CELF2: variants seen among roughly 807,000 people sequenced by gnomAD.
CELF2 encodes the protein CUGBP Elav-like family member 2, also known as CUG triplet repeat RNA-binding protein 2.
CELF2 carries 8 observed loss-of-function variants against 62.6 expected under a neutral mutation model. The ratio of observed to expected loss-of-function variants is 0.13; its 90% CI spans 0.07 to 0.23. The LOEUF (loss-of-function observed/expected upper bound fraction) is 0.23, where lower values mean the gene tolerates loss of function less well. CELF2 is among the 10% of genes least tolerant of loss of function. The probability of loss-of-function intolerance (pLI) is 1.00; values close to 1 mark genes in which losing one functional copy is unlikely to be tolerated. For synonymous variants in CELF2, 258 were observed against 250.0 expected (o/e 1.03, Z -0.30); for missense variants, 333 against 671.0 (o/e 0.50, Z 5.56).
At chr10:11,071,913 A>G (rs2070177135) in intron 1 of CELF2, among the ~76,000 whole-genome samples, 1 of 152,212 alleles carries the variant, frequency 6.6e-6, no homozygotes, top group African/African-American at 2.4e-5. Context: ...TTGGACATGT[A>G]TAGAAGGAAA....
At chr10:11,055,424 A>T (rs905778561) in intron 1 of CELF2, among the ~76,000 whole-genome samples, 7 of 152,206 alleles carry the variant, frequency 4.6e-5, no homozygotes, top group Admixed American at 3.3e-4. Flanking sequence ...AAAGGGAACT[A>T]TTTGGCTGAC....
intron 1 of CELF2, among the ~76,000 whole-genome samples, chr10:10,824,027 AAG>A (rs752972144): frequency 1.7e-4 from 26 of 150,494 alleles, no homozygotes; most frequent in South Asian, 8.4e-4. Flanking sequence ...GATGATAGAT[AAG>A]AGAGAGAGAG....
At chr10:10,579,484 A>C in the CELF2 span, among the ~76,000 whole-genome samples, 952 of 152,128 alleles carry the variant, frequency 6.3e-3, 9 homozygotes, top group African/African-American at 0.021. Flanking sequence ...CACATTTCTC[A>C]CTGAGCTGCA....
At chr10:10,590,795 G>C in the CELF2 span, among the ~76,000 whole-genome samples, 1 of 152,298 alleles carries the variant, frequency 6.6e-6, no homozygotes, top group East Asian at 1.9e-4. Context: ...TTCAACTGAT[G>C]CTTTTGCTAA....
At chr10:11,067,550 A>G (rs994450831) in intron 1 of CELF2, among the ~76,000 whole-genome samples, 28 of 152,260 alleles carry the variant, frequency 1.8e-4, no homozygotes, top group African/African-American at 6.5e-4. Context: ...CAAGGACAGT[A>G]CAAGCCTTTT....
chr10:10,695,757 T>C, the CELF2 span, among the ~76,000 whole-genome samples: 1 of 152,192 alleles, frequency 6.6e-6, no homozygotes. Flanking sequence ...TTCATTCATT[T>C]CTTCTTCCAT....
the CELF2 span, among the ~76,000 whole-genome samples, chr10:10,747,177 G>A: frequency 6.6e-6 from 1 of 152,308 alleles, no homozygotes; most frequent in East Asian, 1.9e-4. Flanking sequence ...CTGCAAGCTG[G>A]TGGAGCTGGA....
At chr10:11,016,757 G>A (rs1469998043), upstream of CELF2, among the ~76,000 whole-genome samples, 1 of 152,166 alleles carries the variant, frequency 6.6e-6, no homozygotes, top group Non-Finnish European at 1.5e-5. The surrounding 1 kb of genome is among the most constrained non-coding windows in gnomAD (Gnocchi z 5.2). Flanking sequence ...GAAAGACAAA[G>A]ACTGAAAATT....
chr10:10,974,135 T>C (rs550646781), intron 2 of CELF2, among the ~76,000 whole-genome samples: 22 of 152,322 alleles, frequency 1.4e-4, no homozygotes, highest in African/African-American at 4.3e-4. Flanking sequence ...TATAGAAATA[T>C]CTACCTTACA....
chr10:10,620,259 G>A, the CELF2 span, among the ~76,000 whole-genome samples: 10 of 152,078 alleles, frequency 6.6e-5, no homozygotes, highest in African/African-American at 1.9e-4. Flanking sequence ...TCAGCCAGGT[G>A]TGGTGGCTCA....
the CELF2 span, among the ~76,000 whole-genome samples, chr10:10,746,832 G>C: frequency 6.6e-6 from 1 of 152,146 alleles, no homozygotes; most frequent in African/African-American, 2.4e-5. Flanking sequence ...GTTTAGGTTG[G>C]TTTTGTACCA....
chr10:10,693,213 G>C, the CELF2 span, among the ~76,000 whole-genome samples: 1 of 122,838 alleles, frequency 8.1e-6, no homozygotes, highest in Non-Finnish European at 1.7e-5. Flanking sequence ...AGAGTTTTTA[G>C]CATGAAGGGT....
chr10:10,766,031 C>T, the CELF2 span, among the ~76,000 whole-genome samples: 1,751 of 152,272 alleles, frequency 0.011, 47 homozygotes, highest in East Asian at 0.11. Context: ...TCTTGGCCTC[C>T]GGCACTCCAA....
the CELF2 span, among the ~76,000 whole-genome samples, chr10:10,507,319 G>A: frequency 6.6e-6 from 1 of 151,878 alleles, no homozygotes; most frequent in Non-Finnish European, 1.5e-5. Context: ...TAAATTTTGA[G>A]AAACAAAATG....
intron 1 of CELF2, among the ~76,000 whole-genome samples, chr10:10,877,233 G>A (rs1487451020): frequency 6.6e-6 from 1 of 152,246 alleles, no homozygotes; most frequent in Non-Finnish European, 1.5e-5. Flanking sequence ...ACAGCTCTCA[G>A]TTAATTTAGA....
intron 1 of CELF2, among the ~76,000 whole-genome samples, chr10:10,855,464 T>C (rs2059648880): frequency 6.6e-6 from 1 of 152,212 alleles, no homozygotes; most frequent in African/African-American, 2.4e-5. Context: ...AGAAATACAG[T>C]GCCCTGTCAC....
intron 1 of CELF2, among the ~76,000 whole-genome samples, chr10:10,840,028 G>T (rs2132482488): frequency 6.6e-6 from 1 of 152,288 alleles, no homozygotes; most frequent in East Asian, 1.9e-4. Flanking sequence ...TATTTGCATG[G>T]CTTGATAGTT....
chr10:10,733,289 C>T, the CELF2 span, among the ~76,000 whole-genome samples: 3 of 152,176 alleles, frequency 2.0e-5, no homozygotes, highest in African/African-American at 4.8e-5. Context: ...CCCATAATCA[C>T]ATTTTATGAA....
the CELF2 span, among the ~76,000 whole-genome samples, chr10:10,617,455 A>T: frequency 6.6e-6 from 1 of 152,162 alleles, no homozygotes; most frequent in African/African-American, 2.4e-5. Context: ...GAATGACAGT[A>T]TCAAATTTAG....
Sources: allele counts gnomAD v4.1 joint callset (sites outside exome capture counted in the v4.1 genomes callset), GRCh38; gene constraint gnomAD v4.1.1; non-coding constraint Gnocchi (gnomAD v3.1); transcripts MANE v1.5; gene names NCBI Gene and HGNC (gene_info 2026-07-23, HGNC 2026-07-21).